Variants in DNAH10 observed in about 807,000 individuals in gnomAD.
The protein encoded by DNAH10 is dynein axonemal heavy chain 10, also known as axonemal beta dynein heavy chain 10.
A neutral mutation model predicts 506.6 loss-of-function variants in DNAH10; 348 were observed. The ratio of observed to expected loss-of-function variants is 0.69; its 90% CI spans 0.63 to 0.75. The LOEUF (loss-of-function observed/expected upper bound fraction) is 0.75. Ranked by LOEUF, DNAH10 falls within the 30% of genes least tolerant of loss-of-function variation. DNAH10 has a pLI of 0.00. For missense variants in DNAH10, 5,179 were observed against 5,787.1 expected (o/e 0.89, Z 3.41); for synonymous variants, 2,059 against 2,198.6 (o/e 0.94, Z 1.78).
At chr12:123,811,729 T>C (rs972100361) in intron 19 of DNAH10, among the ~76,000 whole-genome samples, 4 of 152,114 alleles carry the variant, frequency 2.6e-5, no homozygotes, top group Non-Finnish European at 4.4e-5. Flanking sequence ...GGTCTCAATC[T>C]CCTGACCTTG....
chr12:123,877,707 G>GT (rs1566033474), intron 47 of DNAH10, 29 bp from the exon 48 acceptor site: 14 of 1,544,960 alleles, frequency 9.1e-6, no homozygotes, highest in Non-Finnish European at 1.1e-5. Context: ...ACATTTGTGT[G>GT]TTGGGGGGGG....
intron 54 of DNAH10, among the ~76,000 whole-genome samples, chr12:123,897,327 A>G (rs1953297930): frequency 6.6e-6 from 1 of 152,212 alleles, no homozygotes. Flanking sequence ...AATTCATTTG[A>G]GTCCCTGCTT....
intron 19 of DNAH10, among the ~76,000 whole-genome samples, chr12:123,810,917 C>T (rs1490829921): frequency 2.0e-5 from 3 of 152,142 alleles, no homozygotes; most frequent in Non-Finnish European, 4.4e-5. Context: ...GCCAACTTAA[C>T]TTTCCTCCTT....
At chr12:123,847,477 C>T (rs1206302136) in intron 32 of DNAH10, among the ~76,000 whole-genome samples, 1 of 152,124 alleles carries the variant, frequency 6.6e-6, no homozygotes, top group East Asian at 1.9e-4. Flanking sequence ...GAAGTTCTGA[C>T]AGTGAGAGAG....
intron 38 of DNAH10, among the ~76,000 whole-genome samples, chr12:123,860,439 A>G (rs1951568620): frequency 6.6e-6 from 1 of 152,190 alleles, no homozygotes; most frequent in Non-Finnish European, 1.5e-5. Flanking sequence ...TGATTTACTG[A>G]TTCGTTGGTT....
At chr12:123,931,106 T>C (rs1010222785) in intron 73 of DNAH10, among the ~76,000 whole-genome samples, 1 of 152,090 alleles carries the variant, frequency 6.6e-6, no homozygotes, top group Non-Finnish European at 1.5e-5. Context: ...TACCAGCTAC[T>C]TGGGAGGCTG....
At position 123,914,919 on chromosome 12, in the gene DNAH10, A is replaced by G; in HGVS notation, c.10642A>G (p.Ser3548Gly). ...GAATGGCATCCTCACCACCCGGGCC[A>G]GCCGCTTCCCTCTGTGTATCGACCC... Reference protein sequence around the residue: ...VQNGILTTRASRFPLCIDPQQ... With the variant: ...VQNGILTTRAGRFPLCIDPQQ... The change falls in exon 62 of 79, where the codon AGC becomes GGC. Residue 3548 changes from serine to glycine, a missense_variant. Physicochemically the swap from Ser to Gly is moderately conservative, Grantham distance 56. This residue lies in a region of DNAH10 where 4,844 missense variants were observed against 5,430.5 expected (regional missense o/e 0.89). Coordinates refer to ENST00000673944, the MANE Select transcript of DNAH10 (RefSeq NM_001372106.1). 6.2e-7 allele frequency: 1 copy of G among 1,613,334 alleles called. No homozygotes were observed. The highest frequency in any genetic ancestry group is 8.5e-7 in the Non-Finnish European group (1 of 1,179,684).
intron 51 of DNAH10, among the ~76,000 whole-genome samples, chr12:123,884,666 C>T (rs1952653203): frequency 1.3e-5 from 2 of 152,146 alleles, no homozygotes; most frequent in Non-Finnish European, 2.9e-5. Context: ...AATACCATCA[C>T]ATTGGGGGTT....
At chr12:123,774,947 T>C (rs369809001) in intron 5 of DNAH10, among the ~76,000 whole-genome samples, 34 of 152,202 alleles carry the variant, frequency 2.2e-4, no homozygotes, top group African/African-American at 8.2e-4. Flanking sequence ...CTCCAGGAGC[T>C]TATGTAGGGG....
At chr12:123,887,081 A>G (rs1250529997) in intron 51 of DNAH10, 61 bp from the exon 52 acceptor site, 6 of 1,516,384 alleles carry the variant, frequency 4.0e-6, no homozygotes, top group Non-Finnish European at 5.3e-6. Context: ...CCCACCCCGG[A>G]GCCCGCAGGG....
chr12:123,835,866 T>G (rs868443535), intron 28 of DNAH10, among the ~76,000 whole-genome samples: 19 of 152,278 alleles, frequency 1.2e-4, no homozygotes, highest in African/African-American at 4.6e-4. Context: ...CTCAACTGAC[T>G]CTCCCACATT....
chr12:123,835,299 C>T (rs1456127001), intron 27 of DNAH10, 107 bp from the exon 28 acceptor site: 1 of 1,330,302 alleles, frequency 7.5e-7, no homozygotes, highest in East Asian at 2.5e-5. Flanking sequence ...GAAGGTCCTC[C>T]CACCTGAGTT....
chr12:123,838,465 G>A lies in DNAH10; in HGVS notation c.4912G>A (p.Glu1638Lys), dbSNP rs1950646185. The A allele has an allele frequency of 6.2e-7, 1 of 1,613,300 alleles. No individual in the cohort carries two copies. Among genetic ancestry groups the A allele is most frequent in the Non-Finnish European group, 8.5e-7 (1 of 1,179,640 alleles). The change falls in exon 29 of 79, where the codon GAG becomes AAG. Residue 1638 changes from glutamate to lysine, a missense_variant. By Grantham distance (56) the Glu-to-Lys change is moderately conservative. Transcript: ENST00000673944. ...CTCTGTTCTGGTCCAGATCATGGGT[G>A]AGACCTTAAAAGACCCCGTGATCAA... is the stretch of plus-strand genomic sequence containing the variant. ...IDKVFKRIMG[E>K]TLKDPVIKRC...
chr12:123,873,467 T>C (rs997823606), intron 45 of DNAH10, 91 bp from the exon 46 acceptor site: 2 of 1,485,324 alleles, frequency 1.3e-6, no homozygotes, highest in Admixed American at 2.3e-5. Flanking sequence ...GCCAATGGAT[T>C]TGCAAAATAG....
rs1261649929 is a variant in DNAH10, at chr12:123,772,889, T to C, written c.452T>C (p.Leu151Pro). The change falls in exon 4 of 79, where the codon CTT becomes CCT. Residue 151 changes from leucine to proline, a missense_variant. Coordinates refer to ENST00000673944, the MANE Select transcript of DNAH10 (RefSeq NM_001372106.1). ...CATCTCCACATGCTCTGTACCCCTC[T>C]TCCCGAGGAGTTCCTGGACCAAAAC... The part of the protein sequence containing the change: ...KMHLHMLCTP[L>P]PEEFLDQNVV... The C allele has an allele frequency of 2.5e-6, 4 of 1,613,126 alleles. No individual in the cohort carries two copies. The East Asian group carries it at 8.9e-5, about 36-fold the overall frequency.
rs7960619 is a variant in DNAH10, at chr12:123,903,679, G to A, written c.9815+566G>A. On this transcript the variant is annotated intron_variant, in intron 57 of 78. Coordinates refer to ENST00000673944, the MANE Select transcript of DNAH10 (RefSeq NM_001372106.1). This position sits in a 1 kb window ranked among gnomAD's most constrained non-coding sequence, Gnocchi z 4.6. ...CTGTCAGCGAGGGTAACGTGGTGTG[G>A]CGTGGGCTAACAAGCTTTCTCCTCG... Among the ~76,000 whole-genome samples the A allele has an allele frequency of 0.02, 3,005 of 152,316 alleles. 98 individuals carry two copies. Among genetic ancestry groups the A allele is most frequent in the African/African-American group, 0.064 (2,674 of 41,546 alleles).
intron 51 of DNAH10, among the ~76,000 whole-genome samples, chr12:123,885,912 T>A (rs1298513800): frequency 1.3e-5 from 2 of 152,244 alleles, no homozygotes; most frequent in Non-Finnish European, 2.9e-5. Context: ...TATATACTTA[T>A]TGAGTTGTGA....
At chr12:123,883,287 CA>C (rs1952590305) in intron 51 of DNAH10, among the ~76,000 whole-genome samples, 1 of 152,196 alleles carries the variant, frequency 6.6e-6, no homozygotes, top group African/African-American at 2.4e-5. Flanking sequence ...GAGGAACCTC[CA>C]GGGTGTGGCT....
chr12:123,859,077 G>A, intron 37 of DNAH10, 73 bp from the exon 38 acceptor site: 1 of 1,322,012 alleles, frequency 7.6e-7, no homozygotes, highest in Non-Finnish European at 1.1e-6. Flanking sequence ...TATGGCGTGT[G>A]TGTTGTATCG....
Sources: allele counts gnomAD v4.1 joint callset (sites outside exome capture counted in the v4.1 genomes callset), GRCh38; gene constraint gnomAD v4.1.1; regional missense constraint gnomAD v4.1.1; non-coding constraint Gnocchi (gnomAD v3.1); transcripts MANE v1.5; gene names NCBI Gene and HGNC (gene_info 2026-07-23, HGNC 2026-07-21).